The following UNC13C variants were observed in gnomAD, a reference collection of about 807,000 sequenced individuals.
The protein encoded by UNC13C is unc-13 homolog C.
A neutral mutation model predicts 245.4 loss-of-function variants in UNC13C; 174 were observed. That is an observed-to-expected ratio of 0.71 (90% CI 0.63 to 0.80). The LOEUF (loss-of-function observed/expected upper bound fraction) is 0.80. Among genes scored for constraint, UNC13C ranks in the 30% least tolerant of loss-of-function variants. The pLI, the probability that UNC13C is intolerant of heterozygous loss-of-function variation, is 0.00. For missense variants in UNC13C, 2,829 were observed against 2,602.9 expected, an observed-to-expected ratio of 1.09 and a Z score of -1.89; for synonymous variants, 992 against 895.1, an observed-to-expected ratio of 1.11 and a Z score of -1.93.
At position 54,015,936 on chromosome 15, in the gene UNC13C, G is replaced by A. The variant is rs560706176; in HGVS notation, c.2983+50G>A. The A allele has an allele frequency of 1.4e-5, 20 of 1,418,384 alleles. No individual in the cohort carries two copies. The South Asian group carries it at 2.8e-4, about 20-fold the overall frequency. 87.9% of individuals were successfully genotyped at this position (1,418,384 alleles called of 1,614,324 possible). ...GTGAGCTAATTGTGTTTTAACATTG[G>A]GTAGCACTTCTTTAGAGCATGCTCT... On this transcript the variant is annotated intron_variant, in intron 2 of 32. Transcript: ENST00000260323.
intron 2 of UNC13C, among the ~76,000 whole-genome samples, chr15:54,072,982 T>C (rs1017931574): frequency 6.6e-6 from 1 of 152,126 alleles, no homozygotes; most frequent in Non-Finnish European, 1.5e-5. Context: ...GCTGCACCCA[T>C]TAACGCATCA....
intron 4 of UNC13C, among the ~76,000 whole-genome samples, chr15:54,147,575 A>C (rs978157554): frequency 1.3e-5 from 2 of 152,196 alleles, no homozygotes; most frequent in African/African-American, 4.8e-5. Flanking sequence ...TACCTTCTCC[A>C]AATGTGAAAC....
intron 4 of UNC13C, among the ~76,000 whole-genome samples, chr15:54,165,927 A>T (rs1276192596): frequency 6.6e-6 from 1 of 151,932 alleles, no homozygotes; most frequent in Non-Finnish European, 1.5e-5. Context: ...TATTATTTTT[A>T]ACAGGTGAAT....
chr15:54,429,928 T>G (rs1226296997), intron 19 of UNC13C, among the ~76,000 whole-genome samples: 1 of 151,710 alleles, frequency 6.6e-6, no homozygotes, highest in African/African-American at 2.4e-5. Context: ...ATTTTATCTT[T>G]TATACTTAAA....
chr15:53,860,276 C>G, the UNC13C span, among the ~76,000 whole-genome samples: 14 of 152,068 alleles, frequency 9.2e-5, no homozygotes, highest in East Asian at 2.5e-3. Flanking sequence ...ATATCATTTT[C>G]AAGCAATATT....
chr15:54,193,456 A>G (rs150924461), intron 4 of UNC13C, among the ~76,000 whole-genome samples: 4 of 152,188 alleles, frequency 2.6e-5, no homozygotes, highest in African/African-American at 7.2e-5. Flanking sequence ...CCTAAAGGCA[A>G]TCACCTTTTA....
At chr15:54,516,436 A>G (rs1376823232) in intron 24 of UNC13C, among the ~76,000 whole-genome samples, 1 of 152,152 alleles carries the variant, frequency 6.6e-6, no homozygotes, top group Admixed American at 6.6e-5. Flanking sequence ...TTGCATTTCT[A>G]ACGAATCTCT....
At chr15:53,955,369 T>C in the UNC13C span, among the ~76,000 whole-genome samples, 1 of 151,864 alleles carries the variant, frequency 6.6e-6, no homozygotes, top group Admixed American at 6.6e-5. Context: ...CCAAACATAC[T>C]GAATTAAGAA....
At chr15:54,601,481 C>T (rs1322368294) in intron 30 of UNC13C, among the ~76,000 whole-genome samples, 1 of 152,106 alleles carries the variant, frequency 6.6e-6, no homozygotes, top group Non-Finnish European at 1.5e-5. Flanking sequence ...TGAATAGTTA[C>T]CAATACACAG....
At chr15:54,207,043 T>C (rs1480933575) in intron 4 of UNC13C, among the ~76,000 whole-genome samples, 1 of 152,040 alleles carries the variant, frequency 6.6e-6, no homozygotes, top group Admixed American at 6.6e-5. Context: ...GATCTCACAG[T>C]AGCAGAGAGG....
At chr15:54,391,579 A>G (rs566268990) in intron 17 of UNC13C, among the ~76,000 whole-genome samples, 6 of 152,208 alleles carry the variant, frequency 3.9e-5, no homozygotes, top group Admixed American at 2.0e-4. Context: ...CGGGGATCAT[A>G]TATACATACT....
chr15:54,592,863 G>GTTTTTTTTTTTTTT (rs56152927), intron 30 of UNC13C, among the ~76,000 whole-genome samples: 2 of 134,138 alleles, frequency 1.5e-5, no homozygotes, highest in Non-Finnish European at 1.6e-5. Flanking sequence ...TTTGTTTTTT[G>GTTTTTTTTTTTTTT]TTTTTTTTTT....
intron 2 of UNC13C, among the ~76,000 whole-genome samples, chr15:54,016,263 G>C (rs1895653305): frequency 6.6e-6 from 1 of 152,072 alleles, no homozygotes; most frequent in East Asian, 1.9e-4. Context: ...CTATTTCTTG[G>C]TTCCATTAAG....
intron 12 of UNC13C, 54 bp from the exon 13 acceptor site, chr15:54,300,156 G>A (rs2140945551): frequency 6.6e-7 from 1 of 1,519,626 alleles, no homozygotes; most frequent in Non-Finnish European, 8.9e-7. Context: ...TTAGTTAAAT[G>A]TTTCTGGCCT....
At chr15:54,173,105 T>G (rs1417540504) in intron 4 of UNC13C, among the ~76,000 whole-genome samples, 1 of 151,938 alleles carries the variant, frequency 6.6e-6, no homozygotes, top group Non-Finnish European at 1.5e-5. Context: ...ATGATGCTGA[T>G]ATCACATAAT....
intron 19 of UNC13C, among the ~76,000 whole-genome samples, chr15:54,486,229 G>T (rs1427115502): frequency 7.1e-6 from 1 of 141,784 alleles, no homozygotes; most frequent in South Asian, 2.3e-4. Context: ...GGTCAACGTG[G>T]TGAAAACCCA....
At chr15:54,142,049 T>A (rs748288) in intron 2 of UNC13C, among the ~76,000 whole-genome samples, 55,820 of 151,996 alleles carry the variant, frequency 0.37, 10,329 homozygotes, top group Admixed American at 0.39. Flanking sequence ...TTTTGCCAAC[T>A]TGTATCCATA....
chr15:54,467,695 T>C (rs1020300445), intron 19 of UNC13C, among the ~76,000 whole-genome samples: 10 of 151,684 alleles, frequency 6.6e-5, no homozygotes, highest in Admixed American at 5.3e-4. Context: ...TGAGTTTGAC[T>C]TTTTCAGATC....
At chr15:54,162,573 C>T (rs2033017800) in intron 4 of UNC13C, among the ~76,000 whole-genome samples, 1 of 152,162 alleles carries the variant, frequency 6.6e-6, no homozygotes, top group African/African-American at 2.4e-5. Context: ...CAGAGTCCTG[C>T]TTTTACATTA....
Sources: allele counts gnomAD v4.1 joint callset (sites outside exome capture counted in the v4.1 genomes callset), GRCh38; gene constraint gnomAD v4.1.1; transcripts MANE v1.5; gene names NCBI Gene and HGNC (gene_info 2026-07-23, HGNC 2026-07-21).